Variants in OSTN observed in about 807,000 individuals in gnomAD.
OSTN encodes osteocrin.
In OSTN, 9 loss-of-function variants were observed where a neutral mutation model predicts 12.0. The observed-to-expected ratio is 0.75, with a 90% CI of 0.45 to 1.30. OSTN has a LOEUF of 1.30. OSTN is among the 50% of genes most tolerant of loss of function. The pLI is 0.00. For missense variants in OSTN, 148 were observed against 152.3 expected, an observed-to-expected ratio of 0.97 and a Z score of 0.15; for synonymous variants, 59 against 56.9, an observed-to-expected ratio of 1.04 and a Z score of -0.16.
At chr3:191,201,390 T>C (rs2108586658) in intron 1 of OSTN, among the ~76,000 whole-genome samples, 1 of 152,288 alleles carries the variant, frequency 6.6e-6, no homozygotes, top group Non-Finnish European at 1.5e-5. Flanking sequence ...TTGACAATTT[T>C]TAATGATTGC....
intron 1 of OSTN, 35 bp from the exon 2 acceptor site, chr3:191,212,498 G>T (rs571819954): frequency 5.7e-6 from 8 of 1,400,468 alleles, no homozygotes; most frequent in East Asian, 2.4e-5. Context: ...CATTCCAAAC[G>T]AATCAATGCT....
intron 4 of OSTN, among the ~76,000 whole-genome samples, chr3:191,261,988 G>A (rs1576906964): frequency 6.6e-6 from 1 of 152,252 alleles, no homozygotes; most frequent in African/African-American, 2.4e-5. Flanking sequence ...AGACCGAGGC[G>A]GGTGGATCAC....
rs1265457517 is a variant in OSTN, at chr3:191,261,937, C to T, written c.*13-929C>T. On this transcript the variant is annotated intron_variant, in intron 4 of 4. Transcript: ENST00000682035. ...ATAAAATTAGAAATGTGACTATTGG[C>T]CGGGTGCGGTGGCTCATGCCTGTAA... is the stretch of plus-strand genomic sequence containing the variant. Among the ~76,000 whole-genome samples the T allele has an allele frequency of 3.9e-5, 6 of 152,304 alleles. No homozygotes were observed. The East Asian group carries it at 9.6e-4, about 24-fold the overall frequency.
At chr3:191,242,755 T>C (rs1284071154) in intron 3 of OSTN, among the ~76,000 whole-genome samples, 1 of 152,158 alleles carries the variant, frequency 6.6e-6, no homozygotes, top group African/African-American at 2.4e-5. Context: ...AAATATTTTA[T>C]GACATAGGAG....
intron 4 of OSTN, among the ~76,000 whole-genome samples, chr3:191,258,981 G>A (rs1715738532): frequency 1.3e-5 from 2 of 152,136 alleles, no homozygotes; most frequent in African/African-American, 4.8e-5. Context: ...ACAAAAGAGA[G>A]CAGAGTTTTA....
Position 191,247,083 on chromosome 3 carries a change from C to T in OSTN, c.318-2954C>T, listed in dbSNP as rs959910871. Among the ~76,000 whole-genome samples, 6 of 152,134 alleles carry T rather than the reference C, an allele frequency of 3.9e-5. No individual in the cohort carries two copies. The South Asian group carries it at 6.2e-4, about 16-fold the overall frequency. On this transcript the variant is annotated intron_variant, in intron 3 of 4. Coordinates refer to ENST00000682035, the MANE Select transcript of OSTN (RefSeq NM_198184.2). ...TGAGAAGTCATTATTCTGACTACCA[C>T]GAGGAAAATAACTGCGTAATTAAGA...
intron 4 of OSTN, among the ~76,000 whole-genome samples, chr3:191,255,323 G>A (rs1715647544): frequency 6.6e-6 from 1 of 152,154 alleles, no homozygotes; most frequent in African/African-American, 2.4e-5. Flanking sequence ...GTGCTGGTCC[G>A]CAACCCGGAG....
At chr3:191,217,753 C>T (rs78961575) in intron 2 of OSTN, among the ~76,000 whole-genome samples, 328 of 152,232 alleles carry the variant, frequency 2.2e-3, no homozygotes, top group African/African-American at 7.8e-3. Flanking sequence ...ATTGCAGATG[C>T]TAGTATTTGT....
At chr3:191,206,773 T>C (rs2108588483) in intron 1 of OSTN, among the ~76,000 whole-genome samples, 1 of 152,348 alleles carries the variant, frequency 6.6e-6, no homozygotes, top group South Asian at 2.1e-4. Flanking sequence ...CTTTTTTCCA[T>C]TACAGAGAGC....
At chr3:191,257,311 T>G (rs1715695702) in intron 4 of OSTN, among the ~76,000 whole-genome samples, 1 of 152,102 alleles carries the variant, frequency 6.6e-6, no homozygotes, top group South Asian at 2.1e-4. Context: ...TTATATCTAG[T>G]AGTTTTGACT....
At chr3:191,251,898 T>C (rs1311838308) in intron 4 of OSTN, among the ~76,000 whole-genome samples, 1 of 152,256 alleles carries the variant, frequency 6.6e-6, no homozygotes, top group Non-Finnish European at 1.5e-5. Flanking sequence ...TCCAGTTTCT[T>C]GATGTTCTGA....
At chr3:191,251,094 A>G (rs1715549468) in intron 4 of OSTN, among the ~76,000 whole-genome samples, 1 of 152,210 alleles carries the variant, frequency 6.6e-6, no homozygotes, top group Admixed American at 6.5e-5. Flanking sequence ...ATAGATACAT[A>G]TTAAGCACTT....
chr3:191,199,945 A>G (rs1714116613), intron 1 of OSTN, among the ~76,000 whole-genome samples: 1 of 152,110 alleles, frequency 6.6e-6, no homozygotes, highest in Non-Finnish European at 1.5e-5. Flanking sequence ...CTGTTGGAGA[A>G]GAAATTTAAA....
At chr3:191,243,135 A>T (rs1032465093) in intron 3 of OSTN, among the ~76,000 whole-genome samples, 1 of 152,210 alleles carries the variant, frequency 6.6e-6, no homozygotes, top group Non-Finnish European at 1.5e-5. Context: ...AGGCTGGCAA[A>T]ATTAAAAATC....
chr3:191,250,340 G>A (rs1213927584), intron 4 of OSTN, among the ~76,000 whole-genome samples: 1 of 152,088 alleles, frequency 6.6e-6, no homozygotes. Context: ...GAATGTCCTA[G>A]TTCTGCTTCA....
chr3:191,237,039 T>C (rs1227305067), intron 3 of OSTN, among the ~76,000 whole-genome samples: 2 of 152,170 alleles, frequency 1.3e-5, no homozygotes, highest in African/African-American at 4.8e-5. Context: ...AAAGTAGCTT[T>C]CTACAAAGCT....
chr3:191,200,685 G>A (rs970783074), intron 1 of OSTN, among the ~76,000 whole-genome samples: 3 of 152,100 alleles, frequency 2.0e-5, no homozygotes, highest in Non-Finnish European at 2.9e-5. Context: ...GGGATACTGA[G>A]TATAAAAATA....
chr3:191,199,524 A>T (rs1222646583), intron 1 of OSTN, among the ~76,000 whole-genome samples: 1 of 152,032 alleles, frequency 6.6e-6, no homozygotes, highest in African/African-American at 2.4e-5. Flanking sequence ...TATTTATAAG[A>T]TTGCTTTTCT....
At chr3:191,201,538 T>C (rs1311037368) in intron 1 of OSTN, among the ~76,000 whole-genome samples, 5 of 152,330 alleles carry the variant, frequency 3.3e-5, no homozygotes, top group African/African-American at 9.6e-5. Context: ...AGAATAATGA[T>C]GCCTTCAGTA....
Sources: allele counts gnomAD v4.1 joint callset (sites outside exome capture counted in the v4.1 genomes callset), GRCh38; gene constraint gnomAD v4.1.1; transcripts MANE v1.5; gene names NCBI Gene and HGNC (gene_info 2026-07-23, HGNC 2026-07-21).